Variants in YAP1 observed in about 807,000 individuals in gnomAD.
YAP1 encodes the protein Yes1 associated transcriptional regulator.
In YAP1, 5 loss-of-function variants were observed where a neutral mutation model predicts 56.9. The ratio of observed to expected loss-of-function variants is 0.09; its 90% CI spans 0.05 to 0.18. The LOEUF (loss-of-function observed/expected upper bound fraction) is 0.18. YAP1 is among the 10% of genes least tolerant of loss of function. YAP1 has a pLI of 1.00. For missense variants in YAP1, 539 were observed against 651.8 expected (o/e 0.83, Z 1.88); for synonymous variants, 265 against 248.1 (o/e 1.07, Z -0.64).
rs756621827 is a variant in YAP1, at chr11:102,229,861, G to A, written c.1436G>A (p.Ser479Asn). ...ELMPSLQEAL[S>N]SDILNDMESV... ...ATGCCAAGTCTGCAGGAAGCTTTGA[G>A]TTCTGACATCCTTAATGACATGGAG... Residue 479 changes from serine (S) to asparagine (N), a missense_variant, in exon 9 of 9, where the codon AGT (serine) becomes AAT (asparagine). Ser to Asn is a conservative substitution (Grantham distance 46). Around this residue, in one of 4 missense-constraint regions of YAP1, gnomAD observed 12 missense variants for 31.2 expected, o/e 0.38. Transcript: ENST00000282441. 6.2e-7 allele frequency: 1 copy of A among 1,614,156 alleles called. No individual in the cohort carries two copies. The highest frequency in any genetic ancestry group is 2.2e-5 in the East Asian group (1 of 44,888).
intron 6 of YAP1, among the ~76,000 whole-genome samples, chr11:102,222,600 T>C (rs1949985906): frequency 6.6e-6 from 1 of 152,178 alleles, no homozygotes; most frequent in African/African-American, 2.4e-5. Flanking sequence ...TGAGAAATTG[T>C]TGGATGACCC....
intron 7 of YAP1, 41 bp downstream of exon 7, chr11:102,223,793 A>G (rs202099883): frequency 1.2e-5 from 19 of 1,611,128 alleles, no homozygotes; most frequent in East Asian, 6.7e-5. Flanking sequence ...GAAAAGGATC[A>G]TTGCTTTAAA....
At chr11:102,197,944 A>G (rs1948654782) in intron 4 of YAP1, among the ~76,000 whole-genome samples, 1 of 152,162 alleles carries the variant, frequency 6.6e-6, no homozygotes, top group East Asian at 1.9e-4. Flanking sequence ...TTGTTGAAAG[A>G]CTTAAGATAC....
At chr11:102,196,421 T>C (rs1020168916) in intron 4 of YAP1, among the ~76,000 whole-genome samples, 1 of 152,182 alleles carries the variant, frequency 6.6e-6, no homozygotes, top group African/African-American at 2.4e-5. Context: ...TATTAAAACA[T>C]GAATAAATCT....
chr11:102,215,011 T>TGTTCTAAA (rs1248233951), intron 6 of YAP1, among the ~76,000 whole-genome samples: 2 of 152,216 alleles, frequency 1.3e-5, no homozygotes, highest in African/African-American at 4.8e-5. Flanking sequence ...TCAAAAAAGT[T>TGTTCTAAA]GTTCTAAAGT....
chr11:102,185,855 G>A (rs1172996782), intron 3 of YAP1, among the ~76,000 whole-genome samples, 163 bp from the exon 4 acceptor site: 2 of 151,986 alleles, frequency 1.3e-5, no homozygotes, highest in Non-Finnish European at 2.9e-5. Flanking sequence ...AGAAGAAGCA[G>A]GTATATAGGT....
At chr11:102,151,513 TATCATTTTATATTCATTTATAG>T (rs1432597640) in intron 2 of YAP1, among the ~76,000 whole-genome samples, 33 of 152,360 alleles carry the variant, frequency 2.2e-4, no homozygotes, top group African/African-American at 7.7e-4. Context: ...TTCTATCCTC[TATCATTTTATATTCATTTATAG>T]ATCATTTTAT....
chr11:102,114,461 G>A, intron 2 of YAP1, 67 bp downstream of exon 2: 1 of 1,540,412 alleles, frequency 6.5e-7, no homozygotes, highest in East Asian at 2.3e-5. Context: ...ACAGTAAAGT[G>A]GTGTCAAGAT....
intron 2 of YAP1, among the ~76,000 whole-genome samples, chr11:102,159,683 C>A (rs1027751589): frequency 2.6e-5 from 4 of 152,060 alleles, no homozygotes; most frequent in Admixed American, 2.6e-4. Context: ...AATTTAATTA[C>A]CTCAACCCTG....
At chr11:102,178,040 CTT>C (rs749582376) in intron 3 of YAP1, among the ~76,000 whole-genome samples, 3 of 152,172 alleles carry the variant, frequency 2.0e-5, no homozygotes, top group Non-Finnish European at 4.4e-5. Flanking sequence ...GACAAGCTAA[CTT>C]TTCTTTGCCT....
At chr11:102,184,361 A>G (rs973827156) in intron 3 of YAP1, among the ~76,000 whole-genome samples, 5 of 152,170 alleles carry the variant, frequency 3.3e-5, no homozygotes, top group African/African-American at 1.2e-4. Flanking sequence ...AGCTGGTGAG[A>G]AAAGGTTTGA....
chr11:102,219,750 T>G (rs1949830353), intron 6 of YAP1, among the ~76,000 whole-genome samples: 4 of 151,718 alleles, frequency 2.6e-5, no homozygotes, highest in Admixed American at 2.0e-4. Context: ...ACCTGGTTTT[T>G]TTTGTTTGTT....
chr11:102,212,357 C>T (rs1940010130), intron 6 of YAP1, among the ~76,000 whole-genome samples: 1 of 152,038 alleles, frequency 6.6e-6, no homozygotes, highest in African/African-American at 2.4e-5. Context: ...TTGTAGGGTG[C>T]TGTGCTCGTG....
At chr11:102,115,552 C>T (rs1225200279) in intron 2 of YAP1, among the ~76,000 whole-genome samples, 2 of 120,858 alleles carry the variant, frequency 1.7e-5, no homozygotes, top group African/African-American at 5.0e-5. Flanking sequence ...AAAGTTCGTA[C>T]AGTTTTTTTT....
At chr11:102,194,677 T>A (rs184081626) in intron 4 of YAP1, among the ~76,000 whole-genome samples, 4 of 152,220 alleles carry the variant, frequency 2.6e-5, no homozygotes, top group Admixed American at 1.3e-4. Context: ...ACCTGGGTGG[T>A]CAAGGGAGGT....
At chr11:102,172,995 C>T (rs1947007775) in intron 3 of YAP1, among the ~76,000 whole-genome samples, 1 of 152,134 alleles carries the variant, frequency 6.6e-6, no homozygotes, top group South Asian at 2.1e-4. Flanking sequence ...GGCTGCATTA[C>T]AGTGGTGCTT....
At chr11:102,202,878 T>G (rs572260872) in intron 4 of YAP1, among the ~76,000 whole-genome samples, 45 of 152,286 alleles carry the variant, frequency 3.0e-4, no homozygotes, top group African/African-American at 1.1e-3. Flanking sequence ...AATGAAGTAT[T>G]CTTGCCAAAA....
intron 4 of YAP1, among the ~76,000 whole-genome samples, chr11:102,198,364 A>G (rs1361643947): frequency 6.6e-6 from 1 of 152,218 alleles, no homozygotes; most frequent in Non-Finnish European, 1.5e-5. Flanking sequence ...GTGAGAAGCA[A>G]AGGATATTTA....
chr11:102,165,665 T>C (rs1946563353), intron 3 of YAP1, among the ~76,000 whole-genome samples: 1 of 152,162 alleles, frequency 6.6e-6, no homozygotes. Flanking sequence ...ATAATAATAG[T>C]ATAATAATAA....
Sources: allele counts gnomAD v4.1 joint callset (sites outside exome capture counted in the v4.1 genomes callset), GRCh38; gene constraint gnomAD v4.1.1; regional missense constraint gnomAD v4.1.1; transcripts MANE v1.5; gene names NCBI Gene and HGNC (gene_info 2026-07-23, HGNC 2026-07-21).